KCNIP4: variants seen among roughly 807,000 people sequenced by gnomAD.
KCNIP4 encodes the protein Kv channel-interacting protein 4.
A neutral mutation model predicts 34.0 loss-of-function variants in KCNIP4; 12 were observed. That is an observed-to-expected ratio of 0.35 (90% CI 0.23 to 0.57). The LOEUF (loss-of-function observed/expected upper bound fraction) is 0.57, where lower values mean the gene tolerates loss of function less well. Among genes scored for constraint, KCNIP4 ranks in the 20% least tolerant of loss-of-function variants. The pLI, the probability that KCNIP4 is intolerant of heterozygous loss-of-function variation, is 0.83. For missense variants in KCNIP4, 238 were observed against 311.7 expected (o/e 0.76, Z 1.78); for synonymous variants, 124 against 102.2 (o/e 1.21, Z -1.29).
In KCNIP4 at chr4:21,148,156, C is replaced by T. The variant is rs116529863; in HGVS notation, c.62-265447G>A. 8.5e-3 allele frequency among the ~76,000 whole-genome samples: 1,289 copies of T among 152,118 alleles called. 18 individuals are homozygous for T. Among genetic ancestry groups the T allele is most frequent in the African/African-American group, 0.027 (1,139 of 41,500 alleles). On this transcript the variant is annotated intron_variant, in intron 1 of 8. Coordinates refer to ENST00000382152, the MANE Select transcript of KCNIP4 (RefSeq NM_025221.6). ...GCTTAACCTTTGATGTAATGATTTT[C>T]GCTCAGTAGCTTAAATCTATGACAA...
chr4:21,675,083 G>C (rs555141937), intron 1 of KCNIP4, among the ~76,000 whole-genome samples: 4 of 152,182 alleles, frequency 2.6e-5, no homozygotes, highest in South Asian at 2.1e-4. Context: ...AGAAAATGTG[G>C]TACACATACA....
rs147121764 is a variant in KCNIP4 at position 21,346,652 on chromosome 4, A to G, written c.62-463943T>C. ...CTTCACTCAAATTACATTCTTTAGTACATTGCTTCTCAAACTTTATTGTGT... is the reference window on the plus strand; with the variant it reads ...CTTCACTCAAATTACATTCTTTAGTGCATTGCTTCTCAAACTTTATTGTGT... On this transcript the variant is annotated intron_variant, in intron 1 of 8. Transcript: ENST00000382152. Among the ~76,000 whole-genome samples the G allele has an allele frequency of 1.1e-3, 170 of 152,192 alleles. 2 individuals are homozygous for G. In the East Asian group the frequency reaches 0.03, roughly 26 times the overall value.
chr4:21,128,704 C>T (rs1750819604), intron 1 of KCNIP4, among the ~76,000 whole-genome samples: 2 of 152,202 alleles, frequency 1.3e-5, no homozygotes, highest in Admixed American at 1.3e-4. Context: ...TCATTTGCAA[C>T]ATGTTTAAAC....
intron 3 of KCNIP4, among the ~76,000 whole-genome samples, chr4:20,768,113 A>G (rs1372200314): frequency 2.0e-5 from 3 of 152,210 alleles, no homozygotes; most frequent in Non-Finnish European, 4.4e-5. Flanking sequence ...GATTCTGTGG[A>G]CTTCTCTGCT....
At chr4:21,114,476 G>A (rs1749519555) in intron 1 of KCNIP4, among the ~76,000 whole-genome samples, 1 of 151,824 alleles carries the variant, frequency 6.6e-6, no homozygotes, top group African/African-American at 2.4e-5. Context: ...AGTGAAGTAA[G>A]ACTATCTTCA....
chr4:21,180,685 G>GTA (rs1418182198), intron 1 of KCNIP4, among the ~76,000 whole-genome samples: 2 of 150,406 alleles, frequency 1.3e-5, no homozygotes, highest in Non-Finnish European at 3.0e-5. Flanking sequence ...GTATTTGTGT[G>GTA]TATATATAAT....
rs976984113 is a variant in KCNIP4, at chr4:21,912,790, A to G, written c.61+35781T>C. On this transcript the variant is annotated intron_variant, in intron 1 of 8. Transcript: ENST00000382152. ...TGGAGAGGTAGAAGACAGATCATAT[A>G]TTACATTATATGTTTTATATAATAT... 5.3e-5 allele frequency among the ~76,000 whole-genome samples: 8 copies of G among 150,582 alleles called. No homozygotes were observed. In the Admixed American group the frequency reaches 5.3e-4, roughly 10 times the overall value.
intron 1 of KCNIP4, among the ~76,000 whole-genome samples, chr4:21,874,233 T>C (rs1725972333): frequency 6.6e-6 from 1 of 152,244 alleles, no homozygotes; most frequent in African/African-American, 2.4e-5. Flanking sequence ...ACTTTCATTG[T>C]TAGAGAAGCT....
chr4:21,313,361 A>G (rs1334829965), intron 1 of KCNIP4, among the ~76,000 whole-genome samples: 1 of 152,196 alleles, frequency 6.6e-6, no homozygotes, highest in Non-Finnish European at 1.5e-5. Flanking sequence ...ATAATTGTTT[A>G]TCCTATTATT....
At chr4:21,068,986 C>G (rs991217409) in intron 1 of KCNIP4, among the ~76,000 whole-genome samples, 5 of 152,108 alleles carry the variant, frequency 3.3e-5, no homozygotes, top group African/African-American at 9.7e-5. Flanking sequence ...TATGGTGAGT[C>G]TAAACAAGTT....
chr4:21,301,019 G>A (rs1369454926), intron 1 of KCNIP4, among the ~76,000 whole-genome samples: 1 of 152,058 alleles, frequency 6.6e-6, no homozygotes, highest in African/African-American at 2.4e-5. Flanking sequence ...ATATTCTCAG[G>A]AGAAAGAATG....
At chr4:21,237,830 A>T (rs889898289) in intron 1 of KCNIP4, among the ~76,000 whole-genome samples, 1 of 152,202 alleles carries the variant, frequency 6.6e-6, no homozygotes, top group African/African-American at 2.4e-5. Flanking sequence ...TTCCTTCTGA[A>T]ACTATTCCAA....
Position 21,717,280 on chromosome 4 carries a change from C to T in KCNIP4, c.61+231291G>A, listed in dbSNP as rs370346501. On this transcript the variant is annotated intron_variant, in intron 1 of 8. Coordinates refer to ENST00000382152, the MANE Select transcript of KCNIP4 (RefSeq NM_025221.6). ...TAATATCACCCTGGATAGAGAACCA[C>T]TCTACTAAGTCTACGAACTTGACTA... Among the ~76,000 whole-genome samples, 12 of 152,248 alleles carry T rather than the reference C, an allele frequency of 7.9e-5. 2 individuals are homozygous for T. Among genetic ancestry groups the T allele is most frequent in the African/African-American group, 2.6e-4 (11 of 41,534 alleles).
At chr4:21,236,867 A>G (rs932503240) in intron 1 of KCNIP4, among the ~76,000 whole-genome samples, 1 of 151,788 alleles carries the variant, frequency 6.6e-6, no homozygotes, top group African/African-American at 2.4e-5. Flanking sequence ...AAAATACCAA[A>G]AAATTAGCAG....
intron 1 of KCNIP4, among the ~76,000 whole-genome samples, chr4:21,678,449 ACT>A (rs1275552923): frequency 1.3e-5 from 2 of 152,194 alleles, no homozygotes; most frequent in Non-Finnish European, 2.9e-5. Context: ...CTTAATTGTA[ACT>A]GCTGTGTTTA....
chr4:21,051,782 C>A (rs1742955957), intron 1 of KCNIP4, among the ~76,000 whole-genome samples: 1 of 152,120 alleles, frequency 6.6e-6, no homozygotes, highest in Admixed American at 6.5e-5. Flanking sequence ...TGATCTTGCT[C>A]CAAGAAGCTT....
intron 1 of KCNIP4, among the ~76,000 whole-genome samples, chr4:21,668,051 A>G (rs1360158887): frequency 6.6e-6 from 1 of 152,244 alleles, no homozygotes; most frequent in African/African-American, 2.4e-5. Flanking sequence ...CTATGCAGCC[A>G]TAAAAAGGAA....
chr4:21,367,311 A>T (rs1341681017), intron 1 of KCNIP4, among the ~76,000 whole-genome samples: 2 of 152,036 alleles, frequency 1.3e-5, no homozygotes, highest in East Asian at 3.9e-4. Context: ...TAGATACATA[A>T]CCTGTTTTCT....
chr4:20,916,914 A>C (rs1231410342), intron 1 of KCNIP4, among the ~76,000 whole-genome samples: 2 of 135,678 alleles, frequency 1.5e-5, no homozygotes, highest in African/African-American at 2.7e-5. Flanking sequence ...ATTTTTCCTT[A>C]CCTCCCCTCC....
Sources: allele counts gnomAD v4.1 joint callset (sites outside exome capture counted in the v4.1 genomes callset), GRCh38; gene constraint gnomAD v4.1.1; transcripts MANE v1.5; gene names NCBI Gene and HGNC (gene_info 2026-07-23, HGNC 2026-07-21).